The following ELMO1 variants were observed in gnomAD, a reference collection of about 807,000 sequenced individuals.
ELMO1 encodes the protein engulfment and cell motility 1.
Under a neutral mutation model 98.9 loss-of-function variants are expected in ELMO1, and 26 were observed. That is an observed-to-expected ratio of 0.26 (90% confidence interval 0.19 to 0.36). The LOEUF (loss-of-function observed/expected upper bound fraction) is 0.36, where lower values mean the gene tolerates loss of function less well. ELMO1 is among the 10% of genes least tolerant of loss of function. ELMO1 has a pLI of 1.00. For missense variants in ELMO1, 627 were observed against 935.2 expected (o/e 0.67, Z 4.30); for synonymous variants, 346 against 346.0 (o/e 1.00, Z 0.00).
At chr7:37,445,686 C>A (rs1450347621) in intron 1 of ELMO1, among the ~76,000 whole-genome samples, 2 of 152,090 alleles carry the variant, frequency 1.3e-5, no homozygotes, top group Non-Finnish European at 2.9e-5. Flanking sequence ...GCTGCACCTG[C>A]AGAACACCTT....
At chr7:37,378,620 T>C (rs1047230447) in intron 1 of ELMO1, among the ~76,000 whole-genome samples, 42 of 152,250 alleles carry the variant, frequency 2.8e-4, no homozygotes, top group African/African-American at 9.1e-4. Context: ...TATTTACAGA[T>C]GGTCTTCTAT....
At chr7:37,052,371 G>T (rs981609558) in intron 15 of ELMO1, among the ~76,000 whole-genome samples, 1 of 152,190 alleles carries the variant, frequency 6.6e-6, no homozygotes, top group African/African-American at 2.4e-5. Context: ...CAGCCATCAA[G>T]AACAGTGCTT....
At chr7:36,996,826 C>T (rs1792251059) in intron 16 of ELMO1, among the ~76,000 whole-genome samples, 1 of 152,112 alleles carries the variant, frequency 6.6e-6, no homozygotes, top group South Asian at 2.1e-4. Flanking sequence ...GGGACAGATA[C>T]TGGGAAGTGC....
chr7:37,099,828 G>C (rs1784546763), intron 14 of ELMO1, among the ~76,000 whole-genome samples: 2 of 150,280 alleles, frequency 1.3e-5, no homozygotes, highest in South Asian at 4.2e-4. Flanking sequence ...CAGTCCTGGA[G>C]TTCAATTTTT....
intron 5 of ELMO1, among the ~76,000 whole-genome samples, chr7:37,261,463 T>A (rs1219082844): frequency 6.6e-6 from 1 of 152,124 alleles, no homozygotes; most frequent in East Asian, 1.9e-4. Context: ...TGGGGTGGGG[T>A]CCCAAAAGTT....
chr7:37,437,979 C>CAAAAAAAAAAAAAA (rs57418239), intron 1 of ELMO1, among the ~76,000 whole-genome samples: 24 of 18,056 alleles, frequency 1.3e-3, no homozygotes, highest in African/African-American at 2.9e-3. Flanking sequence ...GACTCCGTCT[C>CAAAAAAAAAAAAAA]AAAAAAAAAA....
intron 15 of ELMO1, among the ~76,000 whole-genome samples, chr7:37,036,030 T>C (rs1795153564): frequency 1.3e-5 from 2 of 152,236 alleles, no homozygotes; most frequent in African/African-American, 4.8e-5. Context: ...TTTTGATACA[T>C]TTAAACTTTC....
intron 4 of ELMO1, among the ~76,000 whole-genome samples, chr7:37,274,134 C>T (rs1796708545): frequency 6.6e-6 from 1 of 152,086 alleles, no homozygotes; most frequent in African/African-American, 2.4e-5. Flanking sequence ...GTACTGAATG[C>T]CTCTTGGCAG....
At position 37,295,092 on chromosome 7, in the gene ELMO1, TA is replaced by T. The variant is rs1171453756; in HGVS notation, c.192+19757del. Among the ~76,000 whole-genome samples the T allele has an allele frequency of 7.2e-5, 11 of 152,336 alleles. No homozygotes were observed. In the East Asian group the frequency reaches 2.1e-3, roughly 29 times the overall value. On this transcript the variant is annotated intron_variant, in intron 4 of 21. Coordinates refer to ENST00000310758, the MANE Select transcript of ELMO1 (RefSeq NM_014800.11). ...AGTAGGATATCAATGCTTTAAATTT[TA>T]ACACATAAAACAATTCTTGATATTA... is the stretch of plus-strand genomic sequence containing the variant.
chr7:37,239,205 G>A (rs570601605), intron 7 of ELMO1, among the ~76,000 whole-genome samples: 19 of 151,768 alleles, frequency 1.3e-4, no homozygotes, highest in South Asian at 4.2e-4. Flanking sequence ...TCGCTCTGTC[G>A]CCCAGGCTGG....
chr7:37,097,354 A>G (rs1315052403), intron 14 of ELMO1, among the ~76,000 whole-genome samples: 1 of 152,228 alleles, frequency 6.6e-6, no homozygotes, highest in East Asian at 1.9e-4. Context: ...CCTGGCCAAC[A>G]TGGCGAATAA....
chr7:37,155,503 A>AAAAAAAAAAAAAAAAAAAAAAAAT (rs61189239), intron 13 of ELMO1, among the ~76,000 whole-genome samples: 1 of 131,734 alleles, frequency 7.6e-6, no homozygotes. Context: ...AAAAAAAAAA[A>AAAAAAAAAAAAAAAAAAAAAAAAT]AAAAAGCAGG....
At chr7:37,058,309 TA>T (rs1489613082) in intron 15 of ELMO1, among the ~76,000 whole-genome samples, 1 of 152,200 alleles carries the variant, frequency 6.6e-6, no homozygotes, top group Non-Finnish European at 1.5e-5. Context: ...GTGCAAAATT[TA>T]AAAAATCCCA....
rs57821226 is a variant in ELMO1 at position 36,993,606 on chromosome 7, G to A, written c.1437+19693C>T. ...TATTCTCAATCTTCATCAAGAATAA[G>A]CTCTATAACATAATTTGTGGAGAAA... On this transcript the variant is annotated intron_variant, in intron 16 of 21. Coordinates refer to ENST00000310758, the MANE Select transcript of ELMO1 (RefSeq NM_014800.11). Among the ~76,000 whole-genome samples the A allele has an allele frequency of 9.0e-3, 1,366 of 152,264 alleles. 25 individuals are homozygous for A. The highest frequency in any genetic ancestry group is 0.031 in the African/African-American group (1,283 of 41,546).
intron 1 of ELMO1, among the ~76,000 whole-genome samples, chr7:37,419,193 G>A (rs769047503): frequency 6.6e-6 from 1 of 152,084 alleles, no homozygotes; most frequent in Non-Finnish European, 1.5e-5. Context: ...TTCCAAGCTC[G>A]GAGAAAACCC....
At chr7:37,072,757 T>C (rs1797348458) in intron 15 of ELMO1, among the ~76,000 whole-genome samples, 1 of 152,080 alleles carries the variant, frequency 6.6e-6, no homozygotes, top group Admixed American at 6.6e-5. Context: ...TTTCTCTTCT[T>C]CATAAAACAT....
chr7:36,897,325 CGTGT>C (rs11267559), intron 16 of ELMO1, among the ~76,000 whole-genome samples: 9 of 46,940 alleles, frequency 1.9e-4, no homozygotes, highest in African/African-American at 4.0e-4. Context: ...AGAAAACAGA[CGTGT>C]GTGTGTGTGT....
chr7:37,068,626 AT>A (rs1401185079), intron 15 of ELMO1, among the ~76,000 whole-genome samples: 1 of 152,208 alleles, frequency 6.6e-6, no homozygotes, highest in Non-Finnish European at 1.5e-5. Context: ...TTAACATGCA[AT>A]GTCTCAGACT....
Position 36,962,058 on chromosome 7 carries a change from T to A in ELMO1, c.1437+51241A>T, listed in dbSNP as rs142700986. 4.2e-3 allele frequency among the ~76,000 whole-genome samples: 647 copies of A among 152,348 alleles called. 10 individuals are homozygous for A. The highest frequency in any genetic ancestry group is 0.015 in the African/African-American group (617 of 41,570). On this transcript the variant is annotated intron_variant, in intron 16 of 21. Coordinates refer to ENST00000310758, the MANE Select transcript of ELMO1 (RefSeq NM_014800.11). ...ATGCTGCTCTTTGGTGAAATGCTCT[T>A]TAAATTATTCCTAAAATAACCACAC...
Sources: allele counts gnomAD v4.1 joint callset (sites outside exome capture counted in the v4.1 genomes callset), GRCh38; gene constraint gnomAD v4.1.1; transcripts MANE v1.5; gene names NCBI Gene and HGNC (gene_info 2026-07-23, HGNC 2026-07-21).